Variants in HS3ST3B1 observed in about 807,000 individuals in gnomAD.
The protein encoded by HS3ST3B1 is heparan sulfate-glucosamine 3-sulfotransferase 3B1.
A neutral mutation model predicts 21.3 loss-of-function variants in HS3ST3B1; 13 were observed. That is an observed-to-expected ratio of 0.61 (90% confidence interval 0.40 to 0.97). The LOEUF (loss-of-function observed/expected upper bound fraction) is 0.97, where lower values mean the gene tolerates loss of function less well. Among genes scored for constraint, HS3ST3B1 ranks in the 50% least tolerant of loss-of-function variants. The pLI is 0.00. For synonymous variants in HS3ST3B1, 234 were observed against 254.8 expected (o/e 0.92, Z 0.78); for missense variants, 459 against 554.8 (o/e 0.83, Z 1.73).
At chr17:14,318,860 T>A (rs1008309338) in intron 1 of HS3ST3B1, among the ~76,000 whole-genome samples, 6 of 152,244 alleles carry the variant, frequency 3.9e-5, no homozygotes, top group African/African-American at 1.4e-4. Flanking sequence ...TTTTGTGTTC[T>A]GCGAAAAGAG....
intron 1 of HS3ST3B1, 130 bp downstream of exon 1, chr17:14,302,202 G>A: frequency 6.3e-6 from 7 of 1,112,484 alleles, no homozygotes; most frequent in Non-Finnish European, 7.5e-6. Flanking sequence ...GGGAAACTAC[G>A]GCAGATTGCG....
intron 1 of HS3ST3B1, among the ~76,000 whole-genome samples, chr17:14,338,543 A>G (rs894612681): frequency 1.3e-5 from 2 of 151,614 alleles, no homozygotes; most frequent in East Asian, 1.9e-4. Context: ...CCCAGGTTCA[A>G]GTGATTCTCC....
chr17:14,304,724 A>G (rs1274143720), intron 1 of HS3ST3B1: 1 of 152,220 alleles, frequency 6.6e-6, no homozygotes, highest in Non-Finnish European at 1.5e-5. Context: ...AAGAGTATAA[A>G]TAGTAATTAA....
chr17:14,308,600 G>C (rs569000998), intron 1 of HS3ST3B1, among the ~76,000 whole-genome samples: 106 of 152,308 alleles, frequency 7.0e-4, no homozygotes, highest in African/African-American at 2.5e-3. Flanking sequence ...TACTGTCCGA[G>C]AGGAGTTTAT....
In HS3ST3B1 at chr17:14,301,801, G is replaced by A; in HGVS notation, c.283G>A (p.Ala95Thr). ...PPRLPFRAPP[A>T]TPLASGKEMA... ...CAGGCTGCCGTTCCGGGCGCCGCCA[G>A]CCACCCCACTGGCTTCAGGCAAGGA... Residue 95 changes from alanine (A) to threonine (T), a missense_variant, in exon 1 of 2, where the codon GCC becomes ACC. By Grantham distance (58) the Ala-to-Thr change is moderately conservative. Around this residue, in one of 3 missense-constraint regions of HS3ST3B1, gnomAD observed 317 missense variants for 278.6 expected, o/e 1.14. Transcript: ENST00000360954. 6.4e-7 allele frequency: 1 copy of A among 1,557,292 alleles called. No homozygotes were observed. Among genetic ancestry groups the A allele is most frequent in the Non-Finnish European group, 8.7e-7 (1 of 1,151,144 alleles).
intron 1 of HS3ST3B1, among the ~76,000 whole-genome samples, chr17:14,302,870 C>T (rs567160872): frequency 2.6e-5 from 4 of 152,374 alleles, no homozygotes; most frequent in Admixed American, 2.6e-4. Context: ...GGACGCGTGT[C>T]TCCGCGGGGC....
intron 1 of HS3ST3B1, among the ~76,000 whole-genome samples, chr17:14,326,689 C>T (rs533795511): frequency 1.4e-3 from 213 of 151,938 alleles, no homozygotes; most frequent in African/African-American, 5.0e-3. Flanking sequence ...GAGGCCGAGG[C>T]GGGTGGATCA....
intron 1 of HS3ST3B1, among the ~76,000 whole-genome samples, chr17:14,317,413 T>C (rs1313083493): frequency 2.0e-5 from 3 of 152,190 alleles, no homozygotes; most frequent in Non-Finnish European, 2.9e-5. Flanking sequence ...TTTTAAGCCA[T>C]TGTCCAAATC....
At chr17:14,309,943 G>T (rs1295186086) in intron 1 of HS3ST3B1, among the ~76,000 whole-genome samples, 1 of 152,166 alleles carries the variant, frequency 6.6e-6, no homozygotes, top group Non-Finnish European at 1.5e-5. Context: ...GAATTCAGTT[G>T]AGTCAATTTG....
chr17:14,315,815 C>G (rs1909479227), intron 1 of HS3ST3B1, among the ~76,000 whole-genome samples: 1 of 143,588 alleles, frequency 7.0e-6, no homozygotes, highest in African/African-American at 2.9e-5. Flanking sequence ...GAGTGAGACT[C>G]CATCTCAAAA....
intron 1 of HS3ST3B1, among the ~76,000 whole-genome samples, chr17:14,310,131 G>T (rs566237976): frequency 6.6e-6 from 1 of 152,162 alleles, no homozygotes; most frequent in Non-Finnish European, 1.5e-5. Flanking sequence ...ATGACAGGAC[G>T]AAGAGAAAGT....
chr17:14,314,853 C>T (rs553998597), intron 1 of HS3ST3B1, among the ~76,000 whole-genome samples: 8 of 152,114 alleles, frequency 5.3e-5, no homozygotes, highest in Non-Finnish European at 1.0e-4. Flanking sequence ...CAGGTATGTA[C>T]GTTTCACGAT....
intron 1 of HS3ST3B1, among the ~76,000 whole-genome samples, chr17:14,317,521 G>A (rs1909535934): frequency 6.6e-6 from 1 of 152,220 alleles, no homozygotes; most frequent in Non-Finnish European, 1.5e-5. Flanking sequence ...AAGAGGCCCA[G>A]AGAAAAAGAC....
chr17:14,306,013 G>C (rs150188644), intron 1 of HS3ST3B1, among the ~76,000 whole-genome samples: 3 of 152,098 alleles, frequency 2.0e-5, no homozygotes, highest in African/African-American at 7.2e-5. Context: ...GACCATTCTG[G>C]ATCACACTTC....
intron 1 of HS3ST3B1, among the ~76,000 whole-genome samples, chr17:14,319,782 CT>C (rs1909601144): frequency 1.3e-5 from 2 of 151,882 alleles, no homozygotes; most frequent in East Asian, 1.9e-4. Context: ...TCAGGAGGGC[CT>C]TTTTTTATTT....
intron 1 of HS3ST3B1, among the ~76,000 whole-genome samples, chr17:14,344,445 T>C (rs79448557): frequency 0.041 from 6,178 of 152,284 alleles, 193 homozygotes; most frequent in Non-Finnish European, 0.063. Flanking sequence ...TTACCTGATT[T>C]CACTGGATTT....
intron 1 of HS3ST3B1, among the ~76,000 whole-genome samples, chr17:14,332,654 T>C (rs940804011): frequency 6.6e-6 from 1 of 151,754 alleles, no homozygotes; most frequent in Non-Finnish European, 1.5e-5. Flanking sequence ...CTTGGGTCCC[T>C]CATTTCCCTT....
rs1330313597 is a variant in HS3ST3B1 at position 14,342,933 on chromosome 17, C to T, written c.555-2095C>T. Among the ~76,000 whole-genome samples, 25 of 152,104 alleles carry T rather than the reference C, an allele frequency of 1.6e-4. 1 individual carries two copies. Among genetic ancestry groups the T allele is most frequent in the Admixed American group, 1.6e-3 (24 of 15,268 alleles). Reference sequence around the variant, plus strand: ...GGGTACAATATGATATTTTGATCTACGTTTACATTCTAGAAAGATTTAATC... The same window carrying T: ...GGGTACAATATGATATTTTGATCTATGTTTACATTCTAGAAAGATTTAATC... On this transcript the variant is annotated intron_variant, in intron 1 of 1. Coordinates refer to ENST00000360954, the MANE Select transcript of HS3ST3B1 (RefSeq NM_006041.3).
At chr17:14,318,701 C>T (rs769486318) in intron 1 of HS3ST3B1, among the ~76,000 whole-genome samples, 19 of 152,308 alleles carry the variant, frequency 1.2e-4, no homozygotes, top group Middle Eastern at 3.4e-3. Context: ...AGGGGGCTGC[C>T]ACTGTGGCTG....
Sources: allele counts gnomAD v4.1 joint callset (sites outside exome capture counted in the v4.1 genomes callset), GRCh38; gene constraint gnomAD v4.1.1; regional missense constraint gnomAD v4.1.1; transcripts MANE v1.5; gene names NCBI Gene and HGNC (gene_info 2026-07-23, HGNC 2026-07-21).